The following TSHZ3 variants were observed in gnomAD, a reference collection of about 807,000 sequenced individuals.
The protein encoded by TSHZ3 is teashirt zinc finger homeobox 3, also known as teashirt homolog 3.
In TSHZ3, 10 loss-of-function variants were observed where a neutral mutation model predicts 64.5. That is an observed-to-expected ratio of 0.16 (90% CI 0.10 to 0.26). The LOEUF (loss-of-function observed/expected upper bound fraction) is 0.26. Ranked by LOEUF, TSHZ3 falls within the 10% of genes least tolerant of loss-of-function variation. The pLI is 1.00. For synonymous variants in TSHZ3, 608 were observed against 593.1 expected, an observed-to-expected ratio of 1.03 and a Z score of -0.36; for missense variants, 1,242 against 1,421.7, an observed-to-expected ratio of 0.87 and a Z score of 2.03.
At chr19:31,231,201 T>C (rs533566532) in intron 3 of TSHZ3, among the ~76,000 whole-genome samples, 2 of 152,244 alleles carry the variant, frequency 1.3e-5, no homozygotes, top group Admixed American at 6.5e-5. Context: ...CAACAATCCA[T>C]TGGCAAAAGG....
rs57786287 is a variant in TSHZ3, at chr19:31,341,630, GACACACACACACACACACACACAC to G, written c.40+7526_40+7549del. 3.6e-5 allele frequency among the ~76,000 whole-genome samples: 5 copies of G among 137,988 alleles called. No individual in the cohort carries two copies. The East Asian group carries it at 8.8e-4, about 24-fold the overall frequency. The allele number at this position is 137,988 out of a possible 152,430, so 90.5% of individuals were successfully genotyped here. A position where few individuals can be genotyped will look rare whatever the true frequency, so the allele number is the denominator to read the frequency against. On this transcript the variant is annotated intron_variant, in intron 1 of 1. Coordinates refer to ENST00000240587, the MANE Select transcript of TSHZ3 (RefSeq NM_020856.4). ...ACTCACTCTCTCTCTCTCTCTCTCT[GACACACACACACACACACACACAC>G]ACACACACACACACACAGCACTTCC... is the stretch of plus-strand genomic sequence containing the variant.
At chr19:31,283,319 C>G (rs1277554737) in intron 1 of TSHZ3, among the ~76,000 whole-genome samples, 1 of 152,110 alleles carries the variant, frequency 6.6e-6, no homozygotes, top group Non-Finnish European at 1.5e-5. Flanking sequence ...GGCAACAAAG[C>G]AAAATCCTAT....
At chr19:31,203,383 A>G (rs1039659801) in intron 5 of TSHZ3, among the ~76,000 whole-genome samples, 16 of 152,104 alleles carry the variant, frequency 1.1e-4, no homozygotes, top group Non-Finnish European at 2.1e-4. Context: ...ACTTTTTCCC[A>G]GAAAGGAATG....
intron 1 of TSHZ3, among the ~76,000 whole-genome samples, chr19:31,299,261 C>T (rs1056414296): frequency 1.3e-5 from 2 of 152,176 alleles, no homozygotes; most frequent in African/African-American, 2.4e-5. Flanking sequence ...AGGCTGGAGT[C>T]CGGCCACGCC....
intron 4 of TSHZ3, among the ~76,000 whole-genome samples, chr19:31,220,831 A>G (rs1347980789): frequency 6.6e-6 from 1 of 152,178 alleles, no homozygotes; most frequent in Non-Finnish European, 1.5e-5. Context: ...AAGATGAAGG[A>G]ACAGATTTTG....
At chr19:31,213,489 T>G (rs1260882855) in intron 4 of TSHZ3, among the ~76,000 whole-genome samples, 32 of 149,406 alleles carry the variant, frequency 2.1e-4, no homozygotes, top group Non-Finnish European at 4.7e-4. Context: ...TAATGGTGGA[T>G]CCATGTCTTT....
chr19:31,326,192 T>G (rs1240467546), intron 1 of TSHZ3, among the ~76,000 whole-genome samples: 1 of 152,252 alleles, frequency 6.6e-6, no homozygotes, highest in Non-Finnish European at 1.5e-5. Context: ...ACTTTTAATT[T>G]AATGGCAAAA....
At chr19:31,304,810 C>T (rs1422609119) in intron 1 of TSHZ3, among the ~76,000 whole-genome samples, 1 of 152,172 alleles carries the variant, frequency 6.6e-6, no homozygotes, top group Non-Finnish European at 1.5e-5. Flanking sequence ...TTGTTGAATG[C>T]ACAAGCATTA....
intron 1 of TSHZ3, among the ~76,000 whole-genome samples, chr19:31,265,397 C>CAAAAAAAAA (rs11432951): frequency 5.0e-4 from 17 of 34,154 alleles, no homozygotes; most frequent in South Asian, 5.0e-3. Context: ...AACTCTGTCT[C>CAAAAAAAAA]AAAAAAAAAA....
chr19:31,164,913 C>G (rs1568334246), intron 5 of TSHZ3, among the ~76,000 whole-genome samples: 1 of 152,240 alleles, frequency 6.6e-6, no homozygotes, highest in East Asian at 1.9e-4. Flanking sequence ...AGCCTTCTCA[C>G]TTGCAGGGGA....
At chr19:31,324,977 A>C (rs775921775) in intron 1 of TSHZ3, among the ~76,000 whole-genome samples, 3 of 152,264 alleles carry the variant, frequency 2.0e-5, no homozygotes, top group Non-Finnish European at 4.4e-5. Context: ...AACAAAATTA[A>C]GTCACTGTTT....
intron 1 of TSHZ3, among the ~76,000 whole-genome samples, chr19:31,328,049 A>G (rs1175226441): frequency 6.6e-6 from 1 of 152,246 alleles, no homozygotes; most frequent in African/African-American, 2.4e-5. Flanking sequence ...TCTTGCAGAT[A>G]CCAGCTATTT....
chr19:31,331,858 GC>G (rs1456040028), intron 1 of TSHZ3, among the ~76,000 whole-genome samples: 3 of 152,152 alleles, frequency 2.0e-5, no homozygotes, highest in African/African-American at 4.8e-5. Context: ...GGGCAGAGCG[GC>G]TGGGCCCCAG....
At position 31,279,855 on chromosome 19, in the gene TSHZ3, T is replaced by C. The variant is rs1314480922; in HGVS notation, c.41-103A>G. On this transcript the variant is annotated intron_variant, in intron 1 of 1. Transcript: ENST00000240587. The surrounding 1 kb of genome is among the most constrained non-coding windows in gnomAD (Gnocchi z 6.4). ...AAAAAGCATTAGTACTTGTTGATCT[T>C]ACCTAGAATATGTTCTGGGCTCTCA... 3.5e-5 allele frequency: 36 copies of C among 1,039,246 alleles called. No individual in the cohort carries two copies. The highest frequency in any genetic ancestry group is 4.6e-5 in the Non-Finnish European group (35 of 768,512). 64.4% of individuals were successfully genotyped at this position (1,039,246 alleles called of 1,614,324 possible).
At chr19:31,244,392 A>C (rs963391579) in intron 1 of TSHZ3, among the ~76,000 whole-genome samples, 1 of 152,188 alleles carries the variant, frequency 6.6e-6, no homozygotes, top group Admixed American at 6.5e-5. Context: ...AGGCCTACTC[A>C]GCCATGCTTC....
chr19:31,333,319 C>A (rs766685436), intron 1 of TSHZ3, among the ~76,000 whole-genome samples: 1 of 151,966 alleles, frequency 6.6e-6, no homozygotes, highest in Non-Finnish European at 1.5e-5. Flanking sequence ...CAAGGACATG[C>A]GAGCCCCTCT....
At chr19:31,220,932 G>A (rs1975387926) in intron 4 of TSHZ3, among the ~76,000 whole-genome samples, 1 of 152,182 alleles carries the variant, frequency 6.6e-6, no homozygotes, top group South Asian at 2.1e-4. Context: ...GCTACAGAAA[G>A]CAACAGGCAA....
In TSHZ3 at chr19:31,202,588, A is replaced by T. The variant is rs181322686; in HGVS notation, n.809+2368T>A. On this transcript the variant is annotated intron_variant and non_coding_transcript_variant, in intron 5 of 6. Coordinates refer to the TSHZ3 transcript ENST00000651361. ...TTATTGGGTAGTTAGATCACTTCCA[A>T]TTTTTTATATTTGATACAACACTGA... is the stretch of plus-strand genomic sequence containing the variant. 1.3e-3 allele frequency among the ~76,000 whole-genome samples: 197 copies of T among 152,154 alleles called. 2 individuals are homozygous for T. Among genetic ancestry groups the T allele is most frequent in the South Asian group, 5.6e-3 (27 of 4,816 alleles).
chr19:31,317,782 G>A (rs1044067944), intron 1 of TSHZ3, among the ~76,000 whole-genome samples: 4 of 152,154 alleles, frequency 2.6e-5, no homozygotes, highest in African/African-American at 9.7e-5. Flanking sequence ...GGACATCCGG[G>A]GTGGAAAGCA....
Sources: allele counts gnomAD v4.1 joint callset (sites outside exome capture counted in the v4.1 genomes callset), GRCh38; gene constraint gnomAD v4.1.1; non-coding constraint Gnocchi (gnomAD v3.1); transcripts MANE v1.5; gene names NCBI Gene and HGNC (gene_info 2026-07-23, HGNC 2026-07-21).